DLC1: variants seen among roughly 807,000 people sequenced by gnomAD.
DLC1 encodes the protein DLC1 Rho GTPase activating protein.
DLC1 carries 54 observed loss-of-function variants against 140.3 expected under a neutral mutation model. The ratio of observed to expected loss-of-function variants is 0.38; its 90% CI spans 0.31 to 0.48. DLC1 has a LOEUF of 0.48. Among genes scored for constraint, DLC1 ranks in the 20% least tolerant of loss-of-function variants. The pLI is 0.96. For synonymous variants in DLC1, 986 were observed against 728.1 expected (o/e 1.35, Z -5.70); for missense variants, 2,536 against 1,907.0 (o/e 1.33, Z -6.14).
At chr8:13,180,376 C>T (rs1011430393) in intron 5 of DLC1, among the ~76,000 whole-genome samples, 6 of 152,114 alleles carry the variant, frequency 3.9e-5, no homozygotes, top group African/African-American at 1.2e-4. Context: ...TTTATCACAT[C>T]CCAAATATCA....
chr8:13,516,555 A>G (rs1171923135), upstream of DLC1, among the ~76,000 whole-genome samples: 1 of 152,206 alleles, frequency 6.6e-6, no homozygotes. Flanking sequence ...GTTAGATGGC[A>G]AGAATGACTT....
intron 4 of DLC1, among the ~76,000 whole-genome samples, chr8:13,337,334 G>C (rs1833848480): frequency 6.6e-6 from 1 of 152,120 alleles, no homozygotes; most frequent in Admixed American, 6.5e-5. Context: ...CTAATTATCT[G>C]TCCGATTTCA....
At chr8:13,232,026 A>G (rs768630383) in intron 5 of DLC1, among the ~76,000 whole-genome samples, 1 of 151,838 alleles carries the variant, frequency 6.6e-6, no homozygotes, top group Non-Finnish European at 1.5e-5. Flanking sequence ...GACTTTCATG[A>G]GCCATCCATG....
chr8:13,148,531 C>T (rs1393663718), intron 5 of DLC1, among the ~76,000 whole-genome samples: 1 of 152,132 alleles, frequency 6.6e-6, no homozygotes, highest in African/African-American at 2.4e-5. Context: ...CCACTAACAG[C>T]TATGCAGGGC....
In DLC1 at chr8:13,153,195, G is replaced by A. The variant is rs527683637; in HGVS notation, c.1349-37538C>T. ...TTTGTTCCTTCTGGTGTTCTGACGT[G>A]TTCAGGGTTTTTTTCCTTCTGGTGG... On this transcript the variant is annotated intron_variant, in intron 5 of 17. Transcript: ENST00000276297. Among the ~76,000 whole-genome samples, 419 of 152,302 alleles carry A rather than the reference G, an allele frequency of 2.8e-3. 5 individuals are homozygous for A. Among genetic ancestry groups the A allele is most frequent in the African/African-American group, 9.6e-3 (401 of 41,570 alleles).
intron 7 of DLC1, among the ~76,000 whole-genome samples, chr8:13,110,468 A>T (rs568334782): frequency 1.3e-5 from 2 of 152,260 alleles, no homozygotes; most frequent in South Asian, 4.1e-4. Flanking sequence ...TTTCCAAACC[A>T]CCTGAGAGTT....
intron 1 of DLC1, among the ~76,000 whole-genome samples, chr8:13,602,158 C>A (rs1184060197): frequency 6.6e-6 from 1 of 151,698 alleles, no homozygotes; most frequent in African/African-American, 2.4e-5. Flanking sequence ...TAAACAATAC[C>A]ATGGTATTGC....
chr8:13,339,043 G>T (rs903187958), intron 4 of DLC1, among the ~76,000 whole-genome samples: 1 of 152,146 alleles, frequency 6.6e-6, no homozygotes, highest in Admixed American at 6.5e-5. Flanking sequence ...AATAAGGAAA[G>T]GTAATTTCTA....
chr8:13,568,016 C>CT, intron 1 of DLC1: 2 of 1,442,264 alleles, frequency 1.4e-6, no homozygotes, highest in South Asian at 1.5e-5. Flanking sequence ...ACTTGGGAAA[C>CT]TAACTTAAGA....
Position 13,593,258 on chromosome 8 carries a change from C to G in DLC1, c.-126+11279G>C, listed in dbSNP as rs533336592. ...ATCCTTTGGTTTCTTTATCAGCATA[C>G]CAATTTTAGAAGTATCAGAGAAATT... On this transcript the variant is annotated intron_variant, in intron 1 of 1. Transcript: ENST00000631382. Among the ~76,000 whole-genome samples, 19 of 152,222 alleles carry G rather than the reference C, an allele frequency of 1.2e-4. No individual in the cohort carries two copies. The South Asian group carries it at 3.7e-3, about 30-fold the overall frequency.
In DLC1 at chr8:13,600,466, A is replaced by C. The variant is rs1261438656; in HGVS notation, c.-126+4071T>G. Among the ~76,000 whole-genome samples, 7 of 151,932 alleles carry C rather than the reference A, an allele frequency of 4.6e-5. No homozygotes were observed. In the East Asian group the frequency reaches 1.2e-3, roughly 25 times the overall value. On this transcript the variant is annotated intron_variant, in intron 1 of 1. Coordinates refer to the DLC1 transcript ENST00000631382. ...ATTAGCTACAACCGAAGAGTGTCCA[A>C]GGAAACTTTAAAATAATGCAACGTC...
chr8:13,210,055 G>GCT (rs1827865270), intron 5 of DLC1, among the ~76,000 whole-genome samples: 1 of 152,138 alleles, frequency 6.6e-6, no homozygotes, highest in Admixed American at 6.6e-5. Context: ...GTTTGGTGTG[G>GCT]GGTAGGGAGG....
rs990230101 is a variant in DLC1, at chr8:13,385,927, G to C, written c.1314+7626C>G. On this transcript the variant is annotated intron_variant, in intron 4 of 17. Coordinates refer to ENST00000276297, the MANE Select transcript of DLC1 (RefSeq NM_182643.3). ...GTAATTAGAGCTTGGAGACAACTAG[G>C]TTTGAAATGAATAAAGTGAAGACTG... Among the ~76,000 whole-genome samples, 24 of 152,124 alleles carry C rather than the reference G, an allele frequency of 1.6e-4. 1 individual carries two copies. Among genetic ancestry groups the C allele is most frequent in the Non-Finnish European group, 3.4e-4 (23 of 68,016 alleles).
chr8:13,327,686 A>G (rs1293100360), intron 4 of DLC1, among the ~76,000 whole-genome samples: 1 of 152,164 alleles, frequency 6.6e-6, no homozygotes, highest in Non-Finnish European at 1.5e-5. Context: ...AAATGTACTG[A>G]GCCTCTACTC....
At chr8:13,357,924 C>T (rs1245338174) in intron 4 of DLC1, among the ~76,000 whole-genome samples, 1 of 151,946 alleles carries the variant, frequency 6.6e-6, no homozygotes, top group Non-Finnish European at 1.5e-5. Flanking sequence ...ATAAATTCTG[C>T]CTATGGTACA....
intron 1 of DLC1, among the ~76,000 whole-genome samples, chr8:13,582,234 A>G (rs990688933): frequency 1.3e-5 from 2 of 152,224 alleles, no homozygotes; most frequent in Non-Finnish European, 2.9e-5. Flanking sequence ...GAGAAAAAAC[A>G]AAACAAAATG....
chr8:13,203,541 C>T (rs188902102), intron 5 of DLC1, among the ~76,000 whole-genome samples: 10 of 152,192 alleles, frequency 6.6e-5, no homozygotes, highest in East Asian at 5.8e-4. Flanking sequence ...GGAGATTGTG[C>T]GCAATCCTGT....
At chr8:13,379,770 C>T (rs1433370494) in intron 4 of DLC1, among the ~76,000 whole-genome samples, 1 of 152,102 alleles carries the variant, frequency 6.6e-6, no homozygotes, top group Admixed American at 6.6e-5. Context: ...GCCCCTCAGG[C>T]CTTAGGTATT....
At chr8:13,498,003 G>A (rs1801593124) in intron 2 of DLC1, among the ~76,000 whole-genome samples, 1 of 152,114 alleles carries the variant, frequency 6.6e-6, no homozygotes, top group Admixed American at 6.6e-5. Flanking sequence ...AAAGAAAGTA[G>A]TAGATTTTTT....
Sources: allele counts gnomAD v4.1 joint callset (sites outside exome capture counted in the v4.1 genomes callset), GRCh38; gene constraint gnomAD v4.1.1; transcripts MANE v1.5; gene names NCBI Gene and HGNC (gene_info 2026-07-23, HGNC 2026-07-21).